CNTNAP2: variants seen among roughly 807,000 people sequenced by gnomAD.
The protein encoded by CNTNAP2 is contactin associated protein 2, also known as contactin-associated protein-like 2.
A neutral mutation model predicts 155.2 loss-of-function variants in CNTNAP2; 98 were observed. The ratio of observed to expected loss-of-function variants is 0.63; its 90% CI spans 0.54 to 0.75. CNTNAP2 has a LOEUF of 0.75. Among genes scored for constraint, CNTNAP2 ranks in the 30% least tolerant of loss-of-function variants. The pLI, the probability that CNTNAP2 is intolerant of heterozygous loss-of-function variation, is 0.00. For synonymous variants in CNTNAP2, 651 were observed against 631.2 expected (o/e 1.03, Z -0.47); for missense variants, 1,727 against 1,688.1 (o/e 1.02, Z -0.40).
At chr7:148,375,258 CTA>C (rs35795122) in intron 21 of CNTNAP2, among the ~76,000 whole-genome samples, 2 of 147,140 alleles carry the variant, frequency 1.4e-5, no homozygotes, top group East Asian at 3.9e-4. Flanking sequence ...ATATATAAAA[CTA>C]TATATAGTTA....
At chr7:146,343,547 C>T (rs1353961553) in intron 1 of CNTNAP2, among the ~76,000 whole-genome samples, 2 of 152,014 alleles carry the variant, frequency 1.3e-5, no homozygotes, top group South Asian at 2.1e-4. Flanking sequence ...TCACCAACTT[C>T]AATTAATTTA....
chr7:148,373,285 GTC>G lies in CNTNAP2; in HGVS notation c.3476-10360_3476-10359del, dbSNP rs976202302. 1.7e-4 allele frequency among the ~76,000 whole-genome samples: 25 copies of G among 149,450 alleles called. 1 individual carries two copies. Among genetic ancestry groups the G allele is most frequent in the Non-Finnish European group, 5.9e-5 (4 of 67,606 alleles). On this transcript the variant is annotated intron_variant, in intron 21 of 23. Coordinates refer to ENST00000361727, the MANE Select transcript of CNTNAP2 (RefSeq NM_014141.6). ...AGCCTGGCCAACGTGGTGAAACCCC[GTC>G]TCTACTAAAAATACAAAAATTAGCC...
At chr7:147,961,202 A>G (rs992268255) in intron 14 of CNTNAP2, among the ~76,000 whole-genome samples, 6 of 151,978 alleles carry the variant, frequency 3.9e-5, no homozygotes, top group Non-Finnish European at 7.4e-5. Context: ...CCTCAACATT[A>G]TATCTCTTTT....
chr7:148,366,644 A>G (rs891536746), intron 21 of CNTNAP2, among the ~76,000 whole-genome samples: 7 of 152,206 alleles, frequency 4.6e-5, no homozygotes, highest in African/African-American at 1.4e-4. Flanking sequence ...GACAATAACT[A>G]TTTTACTTTT....
intron 1 of CNTNAP2, among the ~76,000 whole-genome samples, chr7:146,305,314 G>C (rs1800689868): frequency 6.6e-6 from 1 of 152,088 alleles, no homozygotes; most frequent in South Asian, 2.1e-4. Flanking sequence ...TTGTTCCGTT[G>C]CTGGCGAGGA....
intron 14 of CNTNAP2, among the ~76,000 whole-genome samples, chr7:147,919,505 C>T (rs1800225991): frequency 1.2e-5 from 1 of 81,758 alleles, no homozygotes; most frequent in Non-Finnish European, 2.4e-5. Context: ...GTCTCCCAGG[C>T]TGGAGTGCAG....
chr7:147,862,514 G>GA (rs1799153652), intron 13 of CNTNAP2, among the ~76,000 whole-genome samples: 1 of 152,148 alleles, frequency 6.6e-6, no homozygotes, highest in Non-Finnish European at 1.5e-5. Context: ...GCAGTCGGGA[G>GA]AAAATCTAAT....
chr7:146,748,790 TTC>T (rs1801855675), intron 1 of CNTNAP2, among the ~76,000 whole-genome samples: 1 of 152,200 alleles, frequency 6.6e-6, no homozygotes, highest in South Asian at 2.1e-4. Context: ...ACTATGGAAT[TTC>T]TATTCAAATT....
intron 17 of CNTNAP2, among the ~76,000 whole-genome samples, chr7:148,171,161 C>A (rs1363178071): frequency 6.6e-6 from 1 of 152,120 alleles, no homozygotes; most frequent in Non-Finnish European, 1.5e-5. Context: ...CAAATAATAT[C>A]TACTTTGATA....
At chr7:147,933,542 T>TAG (rs397948238) in intron 14 of CNTNAP2, among the ~76,000 whole-genome samples, 4,099 of 94,966 alleles carry the variant, frequency 0.043, 152 homozygotes, top group African/African-American at 0.094. Context: ...GATAGATAGA[T>TAG]ATAACAGAAT....
chr7:147,730,098 A>G (rs890765079), intron 13 of CNTNAP2, among the ~76,000 whole-genome samples: 4 of 152,132 alleles, frequency 2.6e-5, no homozygotes. Context: ...ATTTAGGCTA[A>G]TGAGTTAGCA....
intron 1 of CNTNAP2, among the ~76,000 whole-genome samples, chr7:146,380,858 C>T (rs1468271361): frequency 2.4e-5 from 3 of 125,968 alleles, no homozygotes; most frequent in Non-Finnish European, 4.7e-5. Flanking sequence ...AGTGCAGTGG[C>T]GCAATCTCGG....
chr7:147,543,152 T>C (rs904459213), intron 11 of CNTNAP2, among the ~76,000 whole-genome samples: 14 of 152,214 alleles, frequency 9.2e-5, no homozygotes, highest in African/African-American at 2.9e-4. Context: ...ATTGTTTCTA[T>C]AGATATTAAA....
chr7:147,894,459 C>T (rs932040601), intron 13 of CNTNAP2, among the ~76,000 whole-genome samples: 1 of 152,082 alleles, frequency 6.6e-6, no homozygotes, highest in Non-Finnish European at 1.5e-5. Flanking sequence ...AATGAGCTGC[C>T]GGCAGGGGAC....
chr7:146,621,539 T>C (rs553375975), intron 1 of CNTNAP2, among the ~76,000 whole-genome samples: 1 of 152,306 alleles, frequency 6.6e-6, no homozygotes, highest in Admixed American at 6.5e-5. Flanking sequence ...GGAGTACTAG[T>C]CAGGTATTTT....
intron 18 of CNTNAP2, among the ~76,000 whole-genome samples, chr7:148,203,726 G>C (rs1290386291): frequency 6.6e-6 from 1 of 151,792 alleles, no homozygotes; most frequent in East Asian, 1.9e-4. Context: ...GTGGCCCAGC[G>C]AGAGTACATC....
At chr7:146,555,167 T>C (rs1454200782) in intron 1 of CNTNAP2, among the ~76,000 whole-genome samples, 1 of 152,266 alleles carries the variant, frequency 6.6e-6, no homozygotes, top group Non-Finnish European at 1.5e-5. Flanking sequence ...TCCCATTTTC[T>C]TTCTCCTTCA....
intron 3 of CNTNAP2, among the ~76,000 whole-genome samples, chr7:146,911,658 G>T (rs1796282431): frequency 7.9e-6 from 1 of 126,040 alleles, no homozygotes; most frequent in Admixed American, 8.9e-5. Context: ...GACTGTGGTG[G>T]GGTGGGGGGA....
intron 13 of CNTNAP2, among the ~76,000 whole-genome samples, chr7:147,705,655 A>G (rs1448437495): frequency 6.6e-6 from 1 of 152,138 alleles, no homozygotes; most frequent in Non-Finnish European, 1.5e-5. Flanking sequence ...AAGGTGTTGA[A>G]GTTCCCAACT....
Sources: allele counts gnomAD v4.1 joint callset (sites outside exome capture counted in the v4.1 genomes callset), GRCh38; gene constraint gnomAD v4.1.1; transcripts MANE v1.5; gene names NCBI Gene and HGNC (gene_info 2026-07-23, HGNC 2026-07-21).